The following AFDN variants were observed in gnomAD, a reference collection of about 807,000 sequenced individuals.
The protein encoded by AFDN is afadin.
Under a neutral mutation model 216.6 loss-of-function variants are expected in AFDN, and 68 were observed. The ratio of observed to expected loss-of-function variants is 0.31; its 90% CI spans 0.26 to 0.38. The LOEUF (loss-of-function observed/expected upper bound fraction) is 0.38. Among genes scored for constraint, AFDN ranks in the 10% least tolerant of loss-of-function variants. The pLI is 1.00. For synonymous variants in AFDN, 868 were observed against 853.7 expected, an observed-to-expected ratio of 1.02 and a Z score of -0.29; for missense variants, 2,136 against 2,342.0, an observed-to-expected ratio of 0.91 and a Z score of 1.82.
intron 13 of AFDN, among the ~76,000 whole-genome samples, chr6:167,909,513 CTTAT>C (rs1416951432): frequency 6.6e-6 from 1 of 152,050 alleles, no homozygotes; most frequent in Admixed American, 6.5e-5. Context: ...TCTATATTAA[CTTAT>C]TTAATGAGTG....
intron 22 of AFDN, 172 bp from the exon 23 acceptor site, chr6:167,924,833 A>C: frequency 1.5e-6 from 1 of 666,928 alleles, no homozygotes; most frequent in Non-Finnish European, 2.8e-6. Flanking sequence ...TTACCAGATT[A>C]ATACCTGAAG....
At chr6:167,862,052 T>A (rs2300083) in intron 1 of AFDN, among the ~76,000 whole-genome samples, 1 of 152,122 alleles carries the variant, frequency 6.6e-6, no homozygotes, top group Non-Finnish European at 1.5e-5. Context: ...GTGAAAGTAT[T>A]GGAATCCTGG....
intron 1 of AFDN, among the ~76,000 whole-genome samples, chr6:167,858,423 A>C (rs1433070313): frequency 6.6e-6 from 1 of 152,198 alleles, no homozygotes; most frequent in Non-Finnish European, 1.5e-5. Context: ...GAGTTCATAA[A>C]AAGGGAGATC....
chr6:167,914,267 C>T lies in AFDN; in HGVS notation c.2158C>T (p.Leu720=). The change falls in exon 17 of 34, where the codon CTG becomes TTG. Residue 720 remains leucine (L), a synonymous_variant. Transcript: ENST00000683244. ...KQDRDLSRIT[L]DAQDVLAHLV... ...AGACCGAGACCTTAGTCGGATCACA[C>T]TGGATGCTCAAGATGTTTTAGCACA... is the stretch of plus-strand genomic sequence containing the variant. 4 of 1,614,194 alleles carry T rather than the reference C, an allele frequency of 2.5e-6. No homozygotes were observed. Among genetic ancestry groups the T allele is most frequent in the South Asian group, 1.1e-5 (1 of 91,086 alleles).
chr6:167,826,694 T>C, upstream of AFDN: 1 of 441,208 alleles, frequency 2.3e-6, no homozygotes, highest in Non-Finnish European at 4.6e-6. Context: ...TACCGCCGGT[T>C]GGGACCCACC....
Position 167,922,979 on chromosome 6 carries a change from C to G in AFDN, c.3012+20C>G, listed in dbSNP as rs374444636. 2.2e-4 allele frequency: 334 copies of G among 1,533,642 alleles called. No homozygotes were observed. Among genetic ancestry groups the G allele is most frequent in the Non-Finnish European group, 1.3e-4 (149 of 1,109,286 alleles). ...GAGCTGGCAAGTATTTTGAGGGTACCATGAAGTGAAATGGATCCTTAGGAC... is the reference window on the plus strand; with the variant it reads ...GAGCTGGCAAGTATTTTGAGGGTACGATGAAGTGAAATGGATCCTTAGGAC... On this transcript the variant is annotated intron_variant, in intron 22 of 33. Transcript: ENST00000683244.
At chr6:167,853,297 T>C (rs1782519737) in intron 1 of AFDN, among the ~76,000 whole-genome samples, 1 of 152,134 alleles carries the variant, frequency 6.6e-6, no homozygotes, top group Non-Finnish European at 1.5e-5. Flanking sequence ...TTGTATCATA[T>C]AGTTATTATT....
intron 32 of AFDN, chr6:167,966,322 C>T: frequency 1.5e-6 from 2 of 1,378,112 alleles, no homozygotes; most frequent in South Asian, 1.4e-5. Flanking sequence ...TGATTGGAAC[C>T]TCAGCATCTC....
chr6:167,943,399 T>C lies in AFDN; in HGVS notation c.3166-3T>C, dbSNP rs773972769. On this transcript the variant is annotated splice_region_variant and splice_polypyrimidine_tract_variant and intron_variant, in intron 24 of 33. Transcript: ENST00000683244. ...CCATGCACACACCTGTGGATTTGCCTAGGATGGACGTCTAGCTGCAGGTGA... is the reference window on the plus strand; with the variant it reads ...CCATGCACACACCTGTGGATTTGCCCAGGATGGACGTCTAGCTGCAGGTGA... 1.2e-6 allele frequency: 2 copies of C among 1,614,024 alleles called. No individual in the cohort carries two copies. The highest frequency in any genetic ancestry group is 4.5e-5 in the East Asian group (2 of 44,888).
chr6:167,829,458 C>T (rs548888832), intron 1 of AFDN, among the ~76,000 whole-genome samples: 1 of 151,932 alleles, frequency 6.6e-6, no homozygotes, highest in East Asian at 1.9e-4. Context: ...TTTTTTTAAC[C>T]ATCTAATGAT....
intron 19 of AFDN, 66 bp downstream of exon 19, chr6:167,915,499 G>A: frequency 1.3e-6 from 2 of 1,517,598 alleles, no homozygotes; most frequent in Non-Finnish European, 1.8e-6. Flanking sequence ...TTTATGATGA[G>A]CAAGAGCTTC....
rs144526228 is a variant in AFDN at position 167,883,828 on chromosome 6, G to A, written c.897+3311G>A. ...CTGAAGGTGAGTTAGGTTGGCTGTGGCAACTCCCTAAAATACAACAAATGA... is the reference window on the plus strand; with the variant it reads ...CTGAAGGTGAGTTAGGTTGGCTGTGACAACTCCCTAAAATACAACAAATGA... On this transcript the variant is annotated intron_variant, in intron 6 of 33. Transcript: ENST00000683244. Among the ~76,000 whole-genome samples, 649 of 152,214 alleles carry A rather than the reference G, an allele frequency of 4.3e-3. 3 individuals are homozygous for A. Among genetic ancestry groups the A allele is most frequent in the African/African-American group, 0.015 (619 of 41,524 alleles).
chr6:167,921,400 A>G (rs1168543816), intron 21 of AFDN, among the ~76,000 whole-genome samples: 2 of 152,256 alleles, frequency 1.3e-5, no homozygotes, highest in Non-Finnish European at 2.9e-5. Context: ...TAGTACACAG[A>G]TGCCTTTAGA....
intron 23 of AFDN, among the ~76,000 whole-genome samples, chr6:167,942,805 A>G (rs182956014): frequency 9.8e-5 from 15 of 152,350 alleles, no homozygotes; most frequent in Non-Finnish European, 1.6e-4. Flanking sequence ...ATGTAAAAAT[A>G]CTGTACTAGG....
At chr6:167,923,673 G>A (rs1792118156) in intron 22 of AFDN, among the ~76,000 whole-genome samples, 1 of 137,258 alleles carries the variant, frequency 7.3e-6, no homozygotes, top group South Asian at 2.3e-4. Context: ...CGCCCAGGCT[G>A]AAATGCAGTG....
chr6:167,846,121 A>G (rs1019935119), intron 1 of AFDN, among the ~76,000 whole-genome samples: 4 of 144,042 alleles, frequency 2.8e-5, no homozygotes, highest in Non-Finnish European at 4.8e-5. Context: ...CACACAGCCA[A>G]ACCATATCAC....
rs142521065 is a variant in AFDN at position 167,964,438 on chromosome 6, C to T, written c.4969-1319C>T. On this transcript the variant is annotated intron_variant, in intron 31 of 33. Transcript: ENST00000683244. ...AAGTCATTCTGGTTTATTCCTCACT[C>T]CAAGGGAACACTTACTTTGTGTAGA... 7 of 1,065,338 alleles carry T rather than the reference C, an allele frequency of 6.6e-6. No homozygotes were observed. In the East Asian group the frequency reaches 2.5e-4, roughly 38 times the overall value. The allele number at this position is 1,065,338 out of a possible 1,614,324, so 66.0% of individuals were successfully genotyped here. A position where few individuals can be genotyped will look rare whatever the true frequency, so the allele number is the denominator to read the frequency against.
chr6:167,903,924 G>A (rs1789312488), intron 12 of AFDN, among the ~76,000 whole-genome samples: 1 of 152,124 alleles, frequency 6.6e-6, no homozygotes. Flanking sequence ...CCACAACCAC[G>A]TACTTGATGC....
rs748491456 is a variant in AFDN at position 167,864,670 on chromosome 6, C to T, written c.225C>T (p.Leu75=). 6 of 1,614,042 alleles carry T rather than the reference C, an allele frequency of 3.7e-6. No homozygotes were observed. The highest frequency in any genetic ancestry group is 3.3e-5 in the South Asian group (3 of 91,076). The change falls in exon 2 of 34, where the codon CTC becomes CTT. Residue 75 remains leucine, a synonymous_variant. Transcript: ENST00000683244. Reference sequence around the variant, plus strand: ...CCACTCAAGATGTAATCGAAACGCTCGCGGAGAAATTTCGACCTGATATGC... The same window carrying T: ...CCACTCAAGATGTAATCGAAACGCTTGCGGAGAAATTTCGACCTGATATGC... The part of the protein sequence containing the change: ...TATTQDVIET[L]AEKFRPDMRM...
Sources: allele counts gnomAD v4.1 joint callset (sites outside exome capture counted in the v4.1 genomes callset), GRCh38; gene constraint gnomAD v4.1.1; transcripts MANE v1.5; gene names NCBI Gene and HGNC (gene_info 2026-07-23, HGNC 2026-07-21).